Variants in SORL1 observed in about 807,000 individuals in gnomAD.
SORL1 encodes the protein sortilin related receptor 1, also known as sortilin-related receptor.
A neutral mutation model predicts 273.7 loss-of-function variants in SORL1; 127 were observed. The ratio of observed to expected loss-of-function variants is 0.46; its 90% CI spans 0.40 to 0.54. The LOEUF (loss-of-function observed/expected upper bound fraction) is 0.54. Ranked by LOEUF, SORL1 falls within the 20% of genes least tolerant of loss-of-function variation. The pLI is 0.00. For synonymous variants in SORL1, 1,031 were observed against 1,067.4 expected (o/e 0.97, Z 0.66); for missense variants, 2,494 against 2,846.1 (o/e 0.88, Z 2.81).
intron 39 of SORL1, 197 bp downstream of exon 39, chr11:121,611,355 AATT>A (rs1863561136): frequency 6.2e-6 from 3 of 483,996 alleles, no homozygotes; most frequent in Admixed American, 3.6e-5. Flanking sequence ...CTTCACATGT[AATT>A]ATTCTGCCTC....
At chr11:121,475,995 G>A (rs536827974) in intron 2 of SORL1, among the ~76,000 whole-genome samples, 2 of 152,118 alleles carry the variant, frequency 1.3e-5, no homozygotes, top group African/African-American at 2.4e-5. Flanking sequence ...GACTAACTCC[G>A]GTTTTTCAGA....
intron 3 of SORL1, among the ~76,000 whole-genome samples, chr11:121,482,242 G>A (rs988898040): frequency 2.6e-5 from 4 of 152,188 alleles, no homozygotes; most frequent in Non-Finnish European, 5.9e-5. Flanking sequence ...AGAGCAAGGG[G>A]AAACTGGAGG....
At chr11:121,467,664 C>T (rs1861104157) in intron 1 of SORL1, among the ~76,000 whole-genome samples, 1 of 152,052 alleles carries the variant, frequency 6.6e-6, no homozygotes, top group Non-Finnish European at 1.5e-5. Flanking sequence ...ATTCCCAGGG[C>T]ACATGTGTTG....
Position 121,490,032 on chromosome 11 carries a change from T to C in SORL1, c.691-11T>C. The C allele has an allele frequency of 6.2e-7, 1 of 1,610,808 alleles. No homozygotes were observed. The highest frequency in any genetic ancestry group is 1.1e-5 in the South Asian group (1 of 91,030). On this transcript the variant is annotated splice_polypyrimidine_tract_variant and intron_variant, in intron 4 of 47. Transcript: ENST00000260197. The stretch of plus-strand genomic sequence containing the variant: ...ACATGCCTCTTGCATCATGACCACT[T>C]GTCTTTGCAGCTGTGGAAGTCAGAT...
intron 1 of SORL1, among the ~76,000 whole-genome samples, chr11:121,467,996 C>T (rs984976835): frequency 6.6e-6 from 1 of 152,108 alleles, no homozygotes; most frequent in African/African-American, 2.4e-5. Flanking sequence ...CTCCAAGTAA[C>T]GTCGTTAAGG....
Position 121,522,713 on chromosome 11 carries a change from C to G in SORL1, c.1522+10C>G, listed in dbSNP as rs779571831. 1.9e-5 allele frequency: 31 copies of G among 1,598,396 alleles called. No individual in the cohort carries two copies. Among genetic ancestry groups the G allele is most frequent in the Non-Finnish European group, 8.6e-7 (1 of 1,165,814 alleles). On this transcript the variant is annotated intron_variant, in intron 10 of 47. Coordinates refer to ENST00000260197, the MANE Select transcript of SORL1 (RefSeq NM_003105.6). ...CTCATCATCGCCACTGGTAAGTGTGCTTGCCTGTTCTCAAAAGGGGTTCAG... is the reference window on the plus strand; with the variant it reads ...CTCATCATCGCCACTGGTAAGTGTGGTTGCCTGTTCTCAAAAGGGGTTCAG...
chr11:121,531,690 G>A (rs1471136146), intron 11 of SORL1, among the ~76,000 whole-genome samples: 8 of 152,200 alleles, frequency 5.3e-5, no homozygotes, highest in Non-Finnish European at 4.4e-5. Context: ...CTAAGCCTTT[G>A]TTACACTGGT....
chr11:121,524,787 G>T (rs563189987), intron 11 of SORL1, among the ~76,000 whole-genome samples: 1 of 151,594 alleles, frequency 6.6e-6, no homozygotes, highest in African/African-American at 2.4e-5. Flanking sequence ...TGAAGCAGAT[G>T]AAGGCACAGT....
intron 11 of SORL1, among the ~76,000 whole-genome samples, chr11:121,524,710 T>G (rs1192723584): frequency 6.6e-6 from 1 of 152,158 alleles, no homozygotes; most frequent in African/African-American, 2.4e-5. Flanking sequence ...CCTTTTTTTG[T>G]GCTTTTTTCT....
At chr11:121,543,261 C>T (rs1862374982) in intron 12 of SORL1, among the ~76,000 whole-genome samples, 1 of 151,948 alleles carries the variant, frequency 6.6e-6, no homozygotes, top group African/African-American at 2.4e-5. Flanking sequence ...ATTAGAGACC[C>T]ATGTCCTATT....
chr11:121,562,239 C>T (rs1167524662), intron 21 of SORL1, among the ~76,000 whole-genome samples: 1 of 152,168 alleles, frequency 6.6e-6, no homozygotes, highest in Non-Finnish European at 1.5e-5. Flanking sequence ...ATTCCTTCAA[C>T]TCTCCTTATT....
intron 1 of SORL1, among the ~76,000 whole-genome samples, chr11:121,459,491 G>A (rs1860957811): frequency 6.6e-6 from 1 of 152,176 alleles, no homozygotes; most frequent in Admixed American, 6.5e-5. Flanking sequence ...CTCACCAGGG[G>A]GACCGTGGAG....
At chr11:121,572,055 A>C (rs901141856) in intron 23 of SORL1, among the ~76,000 whole-genome samples, 2 of 152,254 alleles carry the variant, frequency 1.3e-5, no homozygotes, top group South Asian at 4.1e-4. Context: ...CTTAGAATTA[A>C]CAAGTTACAA....
Position 121,625,371 on chromosome 11 carries a change from A to T in SORL1, c.6364+94A>T, listed in dbSNP as rs913069053. 2.1e-5 allele frequency: 21 copies of T among 1,009,918 alleles called. No homozygotes were observed. In the African/African-American group the frequency reaches 3.2e-4, roughly 16 times the overall value. 62.6% of individuals were successfully genotyped at this position (1,009,918 alleles called of 1,614,324 possible). A position where few individuals can be genotyped will look rare whatever the true frequency, so the allele number is the denominator to read the frequency against. ...ATGACCATGTGTCTTTCTAAAACAC[A>T]TGGAAGATATTCTCAGCTTAAAAGA... On this transcript the variant is annotated intron_variant, in intron 46 of 47. Coordinates refer to ENST00000260197, the MANE Select transcript of SORL1 (RefSeq NM_003105.6).
At chr11:121,612,159 A>G (rs1863574438) in intron 39 of SORL1, 1 of 152,550 alleles carries the variant, frequency 6.6e-6, no homozygotes, top group Non-Finnish European at 1.5e-5. Flanking sequence ...AAAAAAAGAA[A>G]AGAAAGAAAA....
At chr11:121,456,145 C>T (rs1373203120) in intron 1 of SORL1, among the ~76,000 whole-genome samples, 2 of 152,220 alleles carry the variant, frequency 1.3e-5, no homozygotes, top group South Asian at 2.1e-4. Context: ...GCTTTTTCCT[C>T]TGCCTGAAAT....
At chr11:121,497,159 T>G in intron 6 of SORL1, 110 bp downstream of exon 6, 1 of 865,852 alleles carries the variant, frequency 1.2e-6, no homozygotes, top group South Asian at 1.6e-5. Context: ...AAGGATGTGC[T>G]TGGGACAGAT....
At chr11:121,572,371 C>T (rs532899725) in intron 23 of SORL1, among the ~76,000 whole-genome samples, 7 of 152,274 alleles carry the variant, frequency 4.6e-5, no homozygotes, top group Admixed American at 3.3e-4. Flanking sequence ...CCCAGCTTGG[C>T]GTGAATGTCA....
At chr11:121,471,157 T>C (rs1861161139) in intron 2 of SORL1, among the ~76,000 whole-genome samples, 1 of 152,182 alleles carries the variant, frequency 6.6e-6, no homozygotes, top group Non-Finnish European at 1.5e-5. Flanking sequence ...GGTTCCTGTG[T>C]TGGAGAGACG....
Sources: allele counts gnomAD v4.1 joint callset (sites outside exome capture counted in the v4.1 genomes callset), GRCh38; gene constraint gnomAD v4.1.1; transcripts MANE v1.5; gene names NCBI Gene and HGNC (gene_info 2026-07-23, HGNC 2026-07-21).